The following GSDMC variants were observed in gnomAD, a reference collection of about 807,000 sequenced individuals.
GSDMC encodes the protein gasdermin-C.
GSDMC carries 59 observed loss-of-function variants against 58.0 expected under a neutral mutation model. That is an observed-to-expected ratio of 1.02 (90% CI 0.82 to 1.26). The LOEUF (loss-of-function observed/expected upper bound fraction) is 1.26. GSDMC is among the 50% of genes most tolerant of loss of function. The pLI, the probability that GSDMC is intolerant of heterozygous loss-of-function variation, is 0.00. For synonymous variants in GSDMC, 241 were observed against 220.2 expected (o/e 1.09, Z -0.83); for missense variants, 659 against 598.5 (o/e 1.10, Z -1.06).
chr8:129,772,055 G>A (rs1278382869), intron 3 of GSDMC, among the ~76,000 whole-genome samples: 3 of 152,216 alleles, frequency 2.0e-5, no homozygotes, highest in East Asian at 1.9e-4. Flanking sequence ...ATGAGGTCAG[G>A]AGATCGAGAC....
chr8:129,764,174 G>C (rs938995153), intron 4 of GSDMC, among the ~76,000 whole-genome samples: 2 of 151,964 alleles, frequency 1.3e-5, no homozygotes, highest in Non-Finnish European at 2.9e-5. Context: ...CTTTCCTCAA[G>C]TGTCTGTGAT....
chr8:129,764,067 T>A (rs1480355489), intron 4 of GSDMC, among the ~76,000 whole-genome samples: 2 of 152,240 alleles, frequency 1.3e-5, no homozygotes, highest in Non-Finnish European at 2.9e-5. Flanking sequence ...AATAAAATAT[T>A]ATCTCTTAAA....
chr8:129,733,376 C>A, the GSDMC span, among the ~76,000 whole-genome samples: 2 of 152,194 alleles, frequency 1.3e-5, no homozygotes, highest in Non-Finnish European at 2.9e-5. Context: ...GGTCCCTGAC[C>A]CCCATGTAGC....
At chr8:129,729,221 C>T in the GSDMC span, 1 of 645,128 alleles carries the variant, frequency 1.6e-6, no homozygotes, top group Admixed American at 1.9e-5. Context: ...TTTTGAGACC[C>T]TGGAATATTT....
At chr8:129,770,168 T>C (rs1309054829) in intron 3 of GSDMC, among the ~76,000 whole-genome samples, 4 of 152,234 alleles carry the variant, frequency 2.6e-5, no homozygotes, top group Non-Finnish European at 4.4e-5. Context: ...AGTAAAGCTA[T>C]AATGCTTTTT....
the GSDMC span, among the ~76,000 whole-genome samples, chr8:129,738,969 A>T: frequency 2.0e-5 from 3 of 152,344 alleles, no homozygotes; most frequent in East Asian, 5.8e-4. Flanking sequence ...CAAGAAGAAG[A>T]AAAAGTCTGA....
chr8:129,708,866 C>T, the GSDMC span, among the ~76,000 whole-genome samples: 1 of 152,250 alleles, frequency 6.6e-6, no homozygotes, highest in African/African-American at 2.4e-5. Flanking sequence ...AAAACCTTTC[C>T]AACTCTGGAC....
chr8:129,749,965 C>T (rs773967375), intron 12 of GSDMC, 25 bp downstream of exon 12: 3 of 1,563,810 alleles, frequency 1.9e-6, no homozygotes, highest in Non-Finnish European at 2.6e-6. Flanking sequence ...GTGATTCTCC[C>T]ATTCTTCCCT....
chr8:129,765,906 C>T lies in GSDMC; in HGVS notation c.405-113G>A, dbSNP rs917194438. The stretch of plus-strand genomic sequence containing the variant: ...GGGAGGGGTGCAATGGCTTTGGACC[C>T]TGACAGGTAAGTCACCAATGGGTGG... On this transcript the variant is annotated intron_variant, in intron 3 of 13. Transcript: ENST00000276708. The T allele has an allele frequency of 1.9e-5, 14 of 746,898 alleles. No homozygotes were observed. The Admixed American group carries it at 3.5e-4, about 19-fold the overall frequency. 46.3% of individuals were successfully genotyped at this position (746,898 alleles called of 1,614,324 possible).
chr8:129,753,389 C>A (rs968805799), intron 6 of GSDMC, among the ~76,000 whole-genome samples: 6 of 152,122 alleles, frequency 3.9e-5, no homozygotes, highest in African/African-American at 1.4e-4. Context: ...CTCTAGACAC[C>A]CCTGGGTGAA....
chr8:129,776,871 G>A (rs1442076588), intron 2 of GSDMC, among the ~76,000 whole-genome samples: 1 of 151,784 alleles, frequency 6.6e-6, no homozygotes, highest in Non-Finnish European at 1.5e-5. Context: ...AGCAATTATT[G>A]AGCCTCAGCC....
At chr8:129,766,019 G>A (rs1458442677) in intron 3 of GSDMC, among the ~76,000 whole-genome samples, 3 of 152,162 alleles carry the variant, frequency 2.0e-5, no homozygotes, top group East Asian at 3.8e-4. Flanking sequence ...GTACCATATT[G>A]TTAAAGGCAT....
At chr8:129,725,614 A>C in the GSDMC span, among the ~76,000 whole-genome samples, 1 of 152,218 alleles carries the variant, frequency 6.6e-6, no homozygotes. Context: ...CCACGACCAC[A>C]ATATCAGGTA....
At position 129,762,723 on chromosome 8, in the gene GSDMC, G is replaced by T. The variant is rs2033715498; in HGVS notation, c.579C>A (p.Gly193=). The change falls in exon 5 of 14, where the codon GGC becomes GGA. Residue 193 remains glycine, a synonymous_variant. Coordinates refer to ENST00000276708, the MANE Select transcript of GSDMC (RefSeq NM_031415.3). ...ALWITYGKGQ[G]QGESLRVKKK... ...TCTTCACTCTGAGACTCTCTCCTTG[G>T]CCTTGACCCTGGGGAGAGAAACCAG... 6.2e-7 allele frequency: 1 copy of T among 1,610,922 alleles called. No individual in the cohort carries two copies. Among genetic ancestry groups the T allele is most frequent in the Non-Finnish European group, 8.5e-7 (1 of 1,177,080 alleles).
chr8:129,716,712 C>T, the GSDMC span, among the ~76,000 whole-genome samples: 1 of 152,136 alleles, frequency 6.6e-6, no homozygotes, highest in Non-Finnish European at 1.5e-5. Flanking sequence ...CAAGGGAGTG[C>T]TTCCAGGTTT....
chr8:129,749,966 AT>A (rs1369681044), intron 12 of GSDMC, 23 bp downstream of exon 12: 6 of 1,565,458 alleles, frequency 3.8e-6, no homozygotes, highest in Non-Finnish European at 5.2e-6. Context: ...TGATTCTCCC[AT>A]TCTTCCCTTT....
chr8:129,770,409 T>C (rs2034009579), intron 3 of GSDMC, among the ~76,000 whole-genome samples: 1 of 152,164 alleles, frequency 6.6e-6, no homozygotes, highest in African/African-American at 2.4e-5. Flanking sequence ...GGCATGAGAA[T>C]TGCTTAAACC....
At chr8:129,758,608 C>T (rs985120536) in intron 6 of GSDMC, among the ~76,000 whole-genome samples, 4 of 151,940 alleles carry the variant, frequency 2.6e-5, no homozygotes, top group African/African-American at 4.8e-5. Context: ...AAAAATTAAT[C>T]GCATTGACAA....
the GSDMC span, among the ~76,000 whole-genome samples, chr8:129,711,713 G>C: frequency 6.6e-6 from 1 of 152,330 alleles, no homozygotes; most frequent in African/African-American, 2.4e-5. Context: ...CGCTGGGCAA[G>C]TTACTTGACA....
Sources: allele counts gnomAD v4.1 joint callset (sites outside exome capture counted in the v4.1 genomes callset), GRCh38; gene constraint gnomAD v4.1.1; transcripts MANE v1.5; gene names NCBI Gene and HGNC (gene_info 2026-07-23, HGNC 2026-07-21).